RABGAP1L: variants seen among roughly 807,000 people sequenced by gnomAD.
RABGAP1L encodes the protein rab GTPase-activating protein 1-like.
In RABGAP1L, 63 loss-of-function variants were observed where a neutral mutation model predicts 137.7. That is an observed-to-expected ratio of 0.46 (90% CI 0.37 to 0.56). The LOEUF is 0.56. Ranked by LOEUF, RABGAP1L falls within the 20% of genes least tolerant of loss-of-function variation. The probability of loss-of-function intolerance (pLI) is 0.00; values close to 1 mark genes in which losing one functional copy is unlikely to be tolerated. For synonymous variants in RABGAP1L, 431 were observed against 433.7 expected (o/e 0.99, Z 0.08); for missense variants, 1,095 against 1,244.0 (o/e 0.88, Z 1.80).
intron 13 of RABGAP1L, among the ~76,000 whole-genome samples, chr1:174,561,693 G>C (rs1667226355): frequency 6.6e-6 from 1 of 152,136 alleles, no homozygotes; most frequent in African/African-American, 2.4e-5. Flanking sequence ...AGAGGCCTCA[G>C]AAATAACACC....
At chr1:174,449,369 G>A (rs571588940) in intron 13 of RABGAP1L, among the ~76,000 whole-genome samples, 1 of 152,116 alleles carries the variant, frequency 6.6e-6, no homozygotes, top group Non-Finnish European at 1.5e-5. Context: ...AGAAACTAAA[G>A]GGAAGGATGT....
rs372370240 is a variant in RABGAP1L, at chr1:174,817,984, A to G, written c.2340+6024A>G. On this transcript the variant is annotated intron_variant, in intron 19 of 25. Coordinates refer to ENST00000681986, the MANE Select transcript of RABGAP1L (RefSeq NM_001366446.1). The stretch of plus-strand genomic sequence containing the variant: ...TGAGAAAGGAAACAAACAAGAGAAC[A>G]AATTATAAGCACTAAAGATAATGAG... 1.7e-4 allele frequency among the ~76,000 whole-genome samples: 26 copies of G among 152,350 alleles called. No homozygotes were observed. In the South Asian group the frequency reaches 4.8e-3, roughly 28 times the overall value.
intron 18 of RABGAP1L, among the ~76,000 whole-genome samples, chr1:174,801,338 CATATT>C (rs1244472359): frequency 6.6e-6 from 1 of 152,186 alleles, no homozygotes; most frequent in Non-Finnish European, 1.5e-5. Context: ...ATGGTTCTCT[CATATT>C]AGAGTCTTTT....
intron 7 of RABGAP1L, among the ~76,000 whole-genome samples, chr1:174,255,459 A>G (rs989713851): frequency 6.6e-6 from 1 of 152,208 alleles, no homozygotes; most frequent in African/African-American, 2.4e-5. Context: ...ATTGTTACCA[A>G]TATCTCAGTG....
chr1:174,880,972 A>ATG (rs1654103135), intron 19 of RABGAP1L, among the ~76,000 whole-genome samples: 1 of 152,172 alleles, frequency 6.6e-6, no homozygotes. Context: ...AAATACAGAG[A>ATG]TGTGAAGCAG....
intron 15 of RABGAP1L, among the ~76,000 whole-genome samples, chr1:174,696,252 G>A (rs748142701): frequency 2.2e-4 from 33 of 151,950 alleles, no homozygotes; most frequent in African/African-American, 5.6e-4. Flanking sequence ...TGGCTGAGCC[G>A]GTACTCAAGT....
chr1:174,472,284 G>T (rs1348195361), intron 13 of RABGAP1L, among the ~76,000 whole-genome samples: 3 of 152,196 alleles, frequency 2.0e-5, no homozygotes, highest in Non-Finnish European at 4.4e-5. Flanking sequence ...GACAGGTATG[G>T]TGGGAAAGGA....
At chr1:174,430,846 C>T (rs974105995) in intron 13 of RABGAP1L, among the ~76,000 whole-genome samples, 20 of 152,158 alleles carry the variant, frequency 1.3e-4, no homozygotes, top group Non-Finnish European at 2.6e-4. Context: ...ACTGCAGAGA[C>T]ATCTCATAAA....
intron 14 of RABGAP1L, among the ~76,000 whole-genome samples, chr1:174,644,908 A>G (rs1202286293): frequency 1.3e-5 from 2 of 152,122 alleles, no homozygotes; most frequent in East Asian, 3.8e-4. Flanking sequence ...TCCAAATCTT[A>G]GTTGTCCATC....
At chr1:174,621,408 C>T (rs1264142986) in intron 13 of RABGAP1L, among the ~76,000 whole-genome samples, 3 of 152,110 alleles carry the variant, frequency 2.0e-5, no homozygotes, top group Non-Finnish European at 2.9e-5. Context: ...CAATCCTAAG[C>T]CAAAAGAACA....
intron 19 of RABGAP1L, among the ~76,000 whole-genome samples, chr1:174,872,027 G>T (rs1652285871): frequency 6.6e-6 from 1 of 152,158 alleles, no homozygotes; most frequent in Non-Finnish European, 1.5e-5. Context: ...TCATAGTCTG[G>T]AATCTACCTC....
intron 13 of RABGAP1L, among the ~76,000 whole-genome samples, chr1:174,490,712 T>C (rs1370115657): frequency 6.6e-6 from 1 of 152,138 alleles, no homozygotes; most frequent in Admixed American, 6.5e-5. Context: ...GTCCAGGTGC[T>C]AGGGACTAGA....
intron 13 of RABGAP1L, among the ~76,000 whole-genome samples, chr1:174,535,550 A>C (rs1364510515): frequency 1.3e-5 from 2 of 152,192 alleles, no homozygotes; most frequent in Non-Finnish European, 2.9e-5. Flanking sequence ...AATACTTTTG[A>C]AAGAACTGAA....
intron 10 of RABGAP1L, among the ~76,000 whole-genome samples, chr1:174,285,520 G>GTTT (rs371710435): frequency 2.1e-5 from 3 of 140,888 alleles, no homozygotes; most frequent in African/African-American, 2.6e-5. Context: ...TGTTCTAACC[G>GTTT]TTTTTTTTTT....
intron 19 of RABGAP1L, among the ~76,000 whole-genome samples, chr1:174,909,419 G>A (rs1024556681): frequency 5.3e-5 from 8 of 152,088 alleles, no homozygotes; most frequent in African/African-American, 1.9e-4. Flanking sequence ...TGGAGATGAA[G>A]TATCACTGTG....
intron 1 of RABGAP1L, among the ~76,000 whole-genome samples, chr1:174,188,878 G>A (rs1035364144): frequency 6.6e-6 from 1 of 152,204 alleles, no homozygotes; most frequent in Non-Finnish European, 1.5e-5. Flanking sequence ...TTTTTGGAAT[G>A]GGATATGAAC....
At chr1:174,340,275 A>G (rs192588780) in intron 11 of RABGAP1L, among the ~76,000 whole-genome samples, 45 of 152,272 alleles carry the variant, frequency 3.0e-4, no homozygotes, top group African/African-American at 9.4e-4. Context: ...ATTAGCCAGT[A>G]CCCCATGGAA....
chr1:174,210,374 A>G (rs1227907453), intron 1 of RABGAP1L, among the ~76,000 whole-genome samples: 2 of 152,246 alleles, frequency 1.3e-5, no homozygotes, highest in Non-Finnish European at 2.9e-5. Flanking sequence ...TCTATCAGAT[A>G]TATTGAACAC....
chr1:174,589,795 T>C (rs1042187005), intron 13 of RABGAP1L, among the ~76,000 whole-genome samples: 2 of 152,194 alleles, frequency 1.3e-5, no homozygotes, highest in Admixed American at 1.3e-4. Context: ...TTCTGGATTC[T>C]TTATTCTGTT....
Sources: allele counts gnomAD v4.1 joint callset (sites outside exome capture counted in the v4.1 genomes callset), GRCh38; gene constraint gnomAD v4.1.1; transcripts MANE v1.5; gene names NCBI Gene and HGNC (gene_info 2026-07-23, HGNC 2026-07-21).